The following ACCSL variants were observed in gnomAD, a reference collection of about 807,000 sequenced individuals.
ACCSL encodes 1-aminocyclopropane-1-carboxylate synthase homolog (inactive) like.
In ACCSL, 55 loss-of-function variants were observed where a neutral mutation model predicts 61.7. That is an observed-to-expected ratio of 0.89 (90% CI 0.72 to 1.12). The LOEUF (loss-of-function observed/expected upper bound fraction) is 1.12. ACCSL is among the 50% of genes most tolerant of loss of function. The probability of loss-of-function intolerance (pLI) is 0.00; values close to 1 mark genes in which losing one functional copy is unlikely to be tolerated. For missense variants in ACCSL, 632 were observed against 698.0 expected, an observed-to-expected ratio of 0.91 and a Z score of 1.07; for synonymous variants, 258 against 264.3, an observed-to-expected ratio of 0.98 and a Z score of 0.23.
chr11:43,981,563 G>A, the ACCSL span, among the ~76,000 whole-genome samples: 1 of 152,212 alleles, frequency 6.6e-6, no homozygotes, highest in Admixed American at 6.5e-5. Flanking sequence ...CACTACATAT[G>A]TCCATCCTAA....
At chr11:43,969,805 G>A in the ACCSL span, among the ~76,000 whole-genome samples, 133,931 of 152,030 alleles carry the variant, frequency 0.88, 59,323 homozygotes, top group Middle Eastern at 0.96. Context: ...CACTGGAAAC[G>A]GGCCAGAAAT....
the ACCSL span, among the ~76,000 whole-genome samples, chr11:44,030,607 C>T: frequency 6.6e-6 from 1 of 151,746 alleles, no homozygotes; most frequent in Non-Finnish European, 1.5e-5. Flanking sequence ...TTTGTGTGTC[C>T]CTTGCTAATT....
chr11:44,049,753 T>A (rs1306515362), intron 1 of ACCSL, among the ~76,000 whole-genome samples: 1 of 152,204 alleles, frequency 6.6e-6, no homozygotes, highest in Non-Finnish European at 1.5e-5. Flanking sequence ...CTCTTTAAAC[T>A]GGATTATATA....
the ACCSL span, among the ~76,000 whole-genome samples, chr11:43,939,734 G>A: frequency 1.3e-5 from 2 of 152,314 alleles, no homozygotes; most frequent in South Asian, 4.1e-4. Flanking sequence ...TTCAGCCTGG[G>A]TAGCTGGGAT....
the ACCSL span, among the ~76,000 whole-genome samples, chr11:44,041,749 G>C: frequency 2.6e-5 from 4 of 152,194 alleles, no homozygotes; most frequent in Non-Finnish European, 5.9e-5. Context: ...TACAATGTTA[G>C]ATATTTAGCA....
At chr11:43,943,327 C>T in the ACCSL span, 2 of 1,425,246 alleles carry the variant, frequency 1.4e-6, no homozygotes, top group Non-Finnish European at 1.8e-6. This position sits in a 1 kb window ranked among gnomAD's most constrained non-coding sequence, Gnocchi z 4.8. Context: ...CGGGGACCGG[C>T]GTGTGAACCC....
At chr11:43,937,904 G>A in the ACCSL span, among the ~76,000 whole-genome samples, 1 of 152,210 alleles carries the variant, frequency 6.6e-6, no homozygotes, top group African/African-American at 2.4e-5. Context: ...TAGGGACTCG[G>A]ACTAATGATG....
At chr11:43,956,861 T>TC in the ACCSL span, among the ~76,000 whole-genome samples, 4 of 152,044 alleles carry the variant, frequency 2.6e-5, no homozygotes, top group South Asian at 2.1e-4. Context: ...GCTGTTTTTT[T>TC]CCCAAAGAGC....
chr11:44,028,786 C>T, the ACCSL span, among the ~76,000 whole-genome samples: 7 of 152,216 alleles, frequency 4.6e-5, no homozygotes, highest in Non-Finnish European at 1.0e-4. Flanking sequence ...GTAATAATGA[C>T]TTCTCCACAT....
chr11:43,939,375 A>G, the ACCSL span, among the ~76,000 whole-genome samples: 4 of 152,304 alleles, frequency 2.6e-5, no homozygotes, highest in African/African-American at 7.2e-5. Context: ...ATAAATTTCT[A>G]TAAGGAGCTA....
At chr11:43,981,096 AAAACAAAC>A in the ACCSL span, among the ~76,000 whole-genome samples, 4 of 151,542 alleles carry the variant, frequency 2.6e-5, no homozygotes, top group African/African-American at 9.7e-5. Context: ...ATGGGGCAGG[AAAACAAAC>A]AAACAAACAA....
the ACCSL span, chr11:43,947,040 T>G: frequency 6.6e-6 from 1 of 152,184 alleles, no homozygotes; most frequent in Non-Finnish European, 1.5e-5. Flanking sequence ...GAAAGAGAAT[T>G]ATTTGGCTCA....
chr11:44,056,283 T>C lies in ACCSL; in HGVS notation c.1284T>C (p.Ser428=). Residue 428 remains serine (S), a synonymous_variant, in exon 11 of 14, where the codon TCT becomes TCC. Coordinates refer to ENST00000378832, the MANE Select transcript of ACCSL (RefSeq NM_001031854.2). ...VSAFGYLHSI[S]GITQHKLCQL... is the part of the protein sequence containing the mutation. ...CCTTTGGCTACCTCCACAGTATTTCTGGCATCACCCAGCACAAGCTGTGTC... is the reference window on the plus strand; with the variant it reads ...CCTTTGGCTACCTCCACAGTATTTCCGGCATCACCCAGCACAAGCTGTGTC... The C allele has an allele frequency of 6.2e-7, 1 of 1,614,236 alleles. No individual in the cohort carries two copies. The highest frequency in any genetic ancestry group is 1.1e-5 in the South Asian group (1 of 91,084).
chr11:43,944,154 G>T, the ACCSL span: 10 of 321,424 alleles, frequency 3.1e-5, no homozygotes, highest in South Asian at 2.7e-4. Context: ...CCGCAGGAGG[G>T]GCGGAGGCAG....
the ACCSL span, among the ~76,000 whole-genome samples, chr11:43,962,547 A>G: frequency 7.2e-5 from 11 of 152,246 alleles, no homozygotes; most frequent in Non-Finnish European, 1.0e-4. Context: ...TTTCTCAAAC[A>G]CTATCCAATT....
At chr11:44,049,847 C>T (rs754715862) in intron 1 of ACCSL, among the ~76,000 whole-genome samples, 3 of 152,168 alleles carry the variant, frequency 2.0e-5, no homozygotes, top group Non-Finnish European at 2.9e-5. Flanking sequence ...AATGACTGGT[C>T]GATAGGACAT....
the ACCSL span, among the ~76,000 whole-genome samples, chr11:44,005,365 GC>G: frequency 6.6e-6 from 1 of 152,044 alleles, no homozygotes; most frequent in Admixed American, 6.6e-5. Flanking sequence ...TGTAATTGCT[GC>G]TGGCACACAG....
At chr11:43,933,671 T>G in the ACCSL span, among the ~76,000 whole-genome samples, 1 of 152,162 alleles carries the variant, frequency 6.6e-6, no homozygotes, top group Non-Finnish European at 1.5e-5. Context: ...TGGGTGAAGC[T>G]GTGCCGGAAA....
intron 7 of ACCSL, 107 bp from the exon 8 acceptor site, chr11:44,053,299 C>A: frequency 8.9e-7 from 1 of 1,119,656 alleles, no homozygotes; most frequent in Non-Finnish European, 1.3e-6. Context: ...TGCTTCAAGA[C>A]CCTACCTAGG....
Sources: gnomAD v4.1 joint callset for allele counts (sites outside exome capture counted in the v4.1 genomes callset) on GRCh38, gnomAD v4.1.1 for gene constraint, Gnocchi (gnomAD v3.1) non-coding constraint, MANE v1.5 for transcripts, NCBI Gene and HGNC (gene_info 2026-07-23, HGNC 2026-07-21) for gene names.